The following SNX5 variants were observed in gnomAD, a reference collection of about 807,000 sequenced individuals.
SNX5 encodes sorting nexin-5.
A neutral mutation model predicts 53.9 loss-of-function variants in SNX5; 31 were observed. The observed-to-expected ratio is 0.58, with a 90% CI of 0.43 to 0.78. The LOEUF (loss-of-function observed/expected upper bound fraction) is 0.78, where lower values mean the gene tolerates loss of function less well. Among genes scored for constraint, SNX5 ranks in the 30% least tolerant of loss-of-function variants. SNX5 has a pLI of 0.00. For missense variants in SNX5, 471 were observed against 478.8 expected, an observed-to-expected ratio of 0.98 and a Z score of 0.15; for synonymous variants, 168 against 171.1, an observed-to-expected ratio of 0.98 and a Z score of 0.14.
chr20:17,947,363 GA>G, intron 11 of SNX5, 122 bp downstream of exon 11: 1 of 1,009,214 alleles, frequency 9.9e-7, no homozygotes, highest in Non-Finnish European at 1.4e-6. Context: ...TGATAAGGCA[GA>G]GGGGTGAAGT....
rs753501671 is a variant in SNX5, at chr20:17,951,583, G to A, written c.526C>T (p.Arg176Trp). The A allele has an allele frequency of 1.2e-5, 20 of 1,609,602 alleles. No homozygotes were observed. Among genetic ancestry groups the A allele is most frequent in the Non-Finnish European group, 1.5e-5 (18 of 1,176,628 alleles). Residue 176 changes from arginine (R) to tryptophan (W), a missense_variant, in exon 6 of 13, where the codon CGG becomes TGG. Physicochemically the swap from Arg to Trp is moderately radical, Grantham distance 101 (BLOSUM62 -3). Coordinates refer to ENST00000377759, the MANE Select transcript of SNX5 (RefSeq NM_014426.4). ...LEYDQDLSVR[R>W]KNTKEMFGGF... ...CCAAACATCTCTTTAGTATTTTTCC[G>A]CCTAACACTTAGCTAAAAGAAGAAA...
intron 1 of SNX5, among the ~76,000 whole-genome samples, chr20:17,959,220 T>C (rs2035411128): frequency 6.6e-6 from 1 of 152,184 alleles, no homozygotes; most frequent in African/African-American, 2.4e-5. Context: ...ATGGAGCTCA[T>C]TTGTGCACCA....
Position 17,967,886 on chromosome 20 carries a change from A to AGC in SNX5, c.51+487_51+488dup, listed in dbSNP as rs2035578947. 3.5e-5 allele frequency: 14 copies of AGC among 396,962 alleles called. No homozygotes were observed. The East Asian group carries it at 5.0e-4, about 14-fold the overall frequency. The allele number at this position is 396,962 out of a possible 1,614,324, so 24.6% of individuals were successfully genotyped here. A position where few individuals can be genotyped will look rare whatever the true frequency, so the allele number is the denominator to read the frequency against. On this transcript the variant is annotated intron_variant, in intron 1 of 12. Transcript: ENST00000377759. Reference sequence around the variant, plus strand: ...CGCATTTTGCGTTTCTAAAGTTGTAAGCAGCATGTTCGGACGCTTGATGCA... The same window carrying AGC: ...CGCATTTTGCGTTTCTAAAGTTGTAAGCGCAGCATGTTCGGACGCTTGATGCA...
Position 17,947,477 on chromosome 20 carries a change from C to A in SNX5, c.1078+9G>T. The A allele has an allele frequency of 6.2e-7, 1 of 1,610,240 alleles. No homozygotes were observed. The highest frequency in any genetic ancestry group is 8.5e-7 in the Non-Finnish European group (1 of 1,178,500). The stretch of plus-strand genomic sequence containing the variant: ...ATTACAGTACAGAAAGAAGAATGTC[C>A]TGCTCAACCTTCTTTTGCAGATTCG... On this transcript the variant is annotated intron_variant, in intron 11 of 12. Transcript: ENST00000377759.
At chr20:17,957,135 C>A in intron 1 of SNX5, 98 bp from the exon 2 acceptor site, 1 of 760,218 alleles carries the variant, frequency 1.3e-6, no homozygotes, top group South Asian at 1.4e-5. Flanking sequence ...ATACATAGAT[C>A]ATTTAGAAAT....
intron 1 of SNX5, chr20:17,968,083 C>T: frequency 2.5e-6 from 1 of 398,746 alleles, no homozygotes; most frequent in Non-Finnish European, 4.4e-6. Context: ...AAGAACATTC[C>T]GGGGTCTCCA....
intron 11 of SNX5, chr20:17,944,770 C>T (rs1236091604): frequency 6.6e-6 from 1 of 152,214 alleles, no homozygotes; most frequent in Admixed American, 6.5e-5. Flanking sequence ...TGGTCTCGAT[C>T]TCCTGACCTC....
chr20:17,952,533 T>C (rs1167000110), intron 5 of SNX5, 54 bp downstream of exon 5: 4 of 1,551,126 alleles, frequency 2.6e-6, no homozygotes, highest in Non-Finnish European at 3.5e-6. Flanking sequence ...CAAGTACATT[T>C]TGAAAGTATA....
chr20:17,950,503 CG>C, intron 6 of SNX5, 107 bp from the exon 7 acceptor site: 4 of 660,432 alleles, frequency 6.1e-6, no homozygotes, highest in East Asian at 5.5e-5. Context: ...GGCATATAAA[CG>C]TGAGTAAAGT....
chr20:17,960,638 A>G (rs962924361), intron 1 of SNX5, among the ~76,000 whole-genome samples: 3 of 152,034 alleles, frequency 2.0e-5, no homozygotes, highest in African/African-American at 7.2e-5. Context: ...TTAGCCTGGC[A>G]TGGTGGCGTG....
intron 1 of SNX5, among the ~76,000 whole-genome samples, chr20:17,959,578 T>C (rs754802877): frequency 6.6e-6 from 1 of 152,210 alleles, no homozygotes; most frequent in Non-Finnish European, 1.5e-5. Flanking sequence ...TGCAATGTTG[T>C]ATTTGGGCCT....
intron 1 of SNX5, among the ~76,000 whole-genome samples, chr20:17,957,859 A>G (rs1776800296): frequency 6.6e-6 from 1 of 152,118 alleles, no homozygotes; most frequent in Non-Finnish European, 1.5e-5. Context: ...AGAAAAACCA[A>G]CCAAGGCCTT....
intron 11 of SNX5, among the ~76,000 whole-genome samples, chr20:17,946,462 G>T (rs1419259425): frequency 6.6e-6 from 1 of 152,208 alleles, no homozygotes; most frequent in East Asian, 1.9e-4. Flanking sequence ...GCTTAAAGGT[G>T]CTCCTATTGG....
At chr20:17,952,101 T>G (rs2039578787) in intron 5 of SNX5, among the ~76,000 whole-genome samples, 2 of 152,040 alleles carry the variant, frequency 1.3e-5, no homozygotes, top group Admixed American at 1.3e-4. Context: ...TGGGCACCTG[T>G]AATCCTAGCT....
chr20:17,945,685 C>T lies in SNX5; in HGVS notation c.1078+1801G>A, dbSNP rs114752415. Among the ~76,000 whole-genome samples, 952 of 152,044 alleles carry T rather than the reference C, an allele frequency of 6.3e-3. 10 individuals are homozygous for T. The highest frequency in any genetic ancestry group is 0.022 in the African/African-American group (931 of 41,460). On this transcript the variant is annotated intron_variant, in intron 11 of 12. Coordinates refer to ENST00000377759, the MANE Select transcript of SNX5 (RefSeq NM_014426.4). The stretch of plus-strand genomic sequence containing the variant: ...AGCATGAAGGTTACTTTGGAAGAAC[C>T]CAACACAGCCTCAGAGCCTGTCTAC...
At chr20:17,968,287 G>T in intron 1 of SNX5, 88 bp downstream of exon 1, 2 of 1,112,550 alleles carry the variant, frequency 1.8e-6, no homozygotes, top group Non-Finnish European at 1.1e-6. Context: ...GAGCAGCCAC[G>T]GCCTATGGAC....
intron 11 of SNX5, chr20:17,943,421 G>A (rs2039444304): frequency 2.0e-6 from 1 of 496,060 alleles, no homozygotes; most frequent in Non-Finnish European, 3.6e-6. Flanking sequence ...GAATCACCAA[G>A]CATCGTGAGT....
intron 1 of SNX5, chr20:17,961,583 T>G (rs1383808687): frequency 1.0e-6 from 1 of 978,112 alleles, no homozygotes; most frequent in African/African-American, 1.8e-5. Context: ...TTTTCCTATT[T>G]GAATATCCCA....
chr20:17,957,883 A>T (rs2035387853), intron 1 of SNX5, among the ~76,000 whole-genome samples: 1 of 152,092 alleles, frequency 6.6e-6, no homozygotes, highest in South Asian at 2.1e-4. Context: ...TAATTAGCAC[A>T]ATCCCACTGT....
Sources: allele counts gnomAD v4.1 joint callset (sites outside exome capture counted in the v4.1 genomes callset), GRCh38; gene constraint gnomAD v4.1.1; transcripts MANE v1.5; gene names NCBI Gene and HGNC (gene_info 2026-07-23, HGNC 2026-07-21).